CLK4: variants seen among roughly 807,000 people sequenced by gnomAD.
CLK4 encodes the protein CDC like kinase 4.
In CLK4, 37 loss-of-function variants were observed where a neutral mutation model predicts 64.4. The observed-to-expected ratio is 0.57, with a 90% CI of 0.44 to 0.76. The LOEUF (loss-of-function observed/expected upper bound fraction) is 0.76, where lower values mean the gene tolerates loss of function less well. Ranked by LOEUF, CLK4 falls within the 30% of genes least tolerant of loss-of-function variation. The pLI, the probability that CLK4 is intolerant of heterozygous loss-of-function variation, is 0.00. For missense variants in CLK4, 457 were observed against 605.1 expected, an observed-to-expected ratio of 0.76 and a Z score of 2.57; for synonymous variants, 175 against 191.6, an observed-to-expected ratio of 0.91 and a Z score of 0.72.
Position 178,612,784 on chromosome 5 carries a change from T to G in CLK4, c.921+12A>C. ...AGACAACCACCCAAATTAAAACAAGTCTTTAACTTACCATTTTAGAATTAT... is the reference window on the plus strand; with the variant it reads ...AGACAACCACCCAAATTAAAACAAGGCTTTAACTTACCATTTTAGAATTAT... On this transcript the variant is annotated intron_variant, in intron 8 of 12. Transcript: ENST00000316308. The G allele has an allele frequency of 7.1e-7, 1 of 1,403,054 alleles. No individual in the cohort carries two copies. Among genetic ancestry groups the G allele is most frequent in the African/African-American group, 1.4e-5 (1 of 69,616 alleles). The allele number at this position is 1,403,054 out of a possible 1,614,324, so 86.9% of individuals were successfully genotyped here.
intron 11 of CLK4, chr5:178,604,740 C>T (rs1764441528): frequency 6.6e-6 from 1 of 152,276 alleles, no homozygotes; most frequent in South Asian, 2.1e-4. Flanking sequence ...ATAATGCTCA[C>T]TCACCCGCCA....
chr5:178,617,154 GATT>G lies in CLK4; in HGVS notation c.475+187_475+189del, dbSNP rs1188489013. ...TCTTGCTCTAATCTCAAATTCCACT[GATT>G]ATTTTGGAACTTTAGAATAGAAATA... is the stretch of plus-strand genomic sequence containing the variant. On this transcript the variant is annotated intron_variant, in intron 4 of 12. Coordinates refer to ENST00000316308, the MANE Select transcript of CLK4 (RefSeq NM_020666.3). This position sits in a 1 kb window ranked among gnomAD's most constrained non-coding sequence, Gnocchi z 5.2. 1.4e-5 allele frequency: 9 copies of G among 638,690 alleles called. No homozygotes were observed. In the African/African-American group the frequency reaches 1.5e-4, roughly 10 times the overall value. 39.6% of individuals were successfully genotyped at this position (638,690 alleles called of 1,614,324 possible). A position where few individuals can be genotyped will look rare whatever the true frequency, so the allele number is the denominator to read the frequency against.
In CLK4 at chr5:178,618,645, T is replaced by C; in HGVS notation, c.295A>G (p.Ile99Val). The change falls in exon 3 of 13, where the codon ATC becomes GTC. Residue 99 changes from isoleucine to valine, a missense_variant. By Grantham distance (29) the Ile-to-Val change is conservative. Transcript: ENST00000316308. ...CGGACTGAAGATTTACTGCAGTGGA[T>C]TCGATACCCGCTTTCAATGTCTCTG... ...YHRDIESGYRIHCSKSSVRSR... is the reference protein window; with the variant it reads ...YHRDIESGYRVHCSKSSVRSR... 1 of 1,614,098 alleles carries C rather than the reference T, an allele frequency of 6.2e-7. No homozygotes were observed. The highest frequency in any genetic ancestry group is 1.7e-5 in the Admixed American group (1 of 60,016).
chr5:178,616,741 A>G (rs1764633135), intron 5 of CLK4, 141 bp downstream of exon 5: 2 of 616,334 alleles, frequency 3.2e-6, no homozygotes, highest in Non-Finnish European at 5.7e-6. Flanking sequence ...AGTTGCAGTG[A>G]GCCAAGATAG....
Position 178,613,718 on chromosome 5 carries a change from T to C in CLK4, c.659+9A>G. The C allele has an allele frequency of 2.5e-6, 4 of 1,607,766 alleles. No individual in the cohort carries two copies. Among genetic ancestry groups the C allele is most frequent in the Non-Finnish European group, 3.4e-6 (4 of 1,175,498 alleles). On this transcript the variant is annotated intron_variant, in intron 6 of 12. Coordinates refer to ENST00000316308, the MANE Select transcript of CLK4 (RefSeq NM_020666.3). ...AATATGATGGCTCCTAGGTGAAAGT[T>C]ATACTTACAAGACACTATTGGGATC... is the stretch of plus-strand genomic sequence containing the variant.
rs775101680 is a variant in CLK4, at chr5:178,618,547, C to T, written c.384+9G>A. On this transcript the variant is annotated intron_variant, in intron 3 of 12. Coordinates refer to ENST00000316308, the MANE Select transcript of CLK4 (RefSeq NM_020666.3). ...ACTCCACTCAAATTGAAAACAAAAC[C>T]AATCATACCGAACGTGACTGATGAC... is the stretch of plus-strand genomic sequence containing the variant. 25 of 1,599,386 alleles carry T rather than the reference C, an allele frequency of 1.6e-5. No individual in the cohort carries two copies. Among genetic ancestry groups the T allele is most frequent in the Non-Finnish European group, 2.1e-5 (25 of 1,170,368 alleles).
At chr5:178,616,799 TA>T in intron 5 of CLK4, 82 bp downstream of exon 5, 1 of 1,091,280 alleles carries the variant, frequency 9.2e-7, no homozygotes, top group Non-Finnish European at 1.4e-6. Flanking sequence ...CTCAAATAAA[TA>T]AATAAATAAA....
At chr5:178,618,895 A>C in intron 2 of CLK4, 117 bp from the exon 3 acceptor site, 1 of 703,762 alleles carries the variant, frequency 1.4e-6, no homozygotes, top group Non-Finnish European at 2.3e-6. Context: ...AAAAAATTCA[A>C]ACAGATGAAT....
Position 178,617,493 on chromosome 5 carries a change from T to C in CLK4, c.385-59A>G, listed in dbSNP as rs1442339237. 1.4e-6 allele frequency: 2 copies of C among 1,455,532 alleles called. No homozygotes were observed. The highest frequency in any genetic ancestry group is 1.9e-6 in the Non-Finnish European group (2 of 1,042,502). The allele number at this position is 1,455,532 out of a possible 1,614,324, so 90.2% of individuals were successfully genotyped here. The stretch of plus-strand genomic sequence containing the variant: ...CAGCCAATCAATATATCAGAGTGAA[T>C]TCAGGGCAGAATACGCAATTCATTC... On this transcript the variant is annotated intron_variant, in intron 3 of 12. Transcript: ENST00000316308. This position sits in a 1 kb window ranked among gnomAD's most constrained non-coding sequence, Gnocchi z 5.2.
intron 7 of CLK4, 88 bp from the exon 8 acceptor site, chr5:178,612,978 G>A: frequency 1.6e-6 from 1 of 616,020 alleles, no homozygotes; most frequent in Non-Finnish European, 2.9e-6. Flanking sequence ...AGGATATAGT[G>A]GTCAAGAGAC....
chr5:178,606,903 T>C (rs1220049500), intron 10 of CLK4, among the ~76,000 whole-genome samples: 1 of 150,260 alleles, frequency 6.7e-6, no homozygotes, highest in African/African-American at 2.5e-5. Flanking sequence ...GAGGTTGCAG[T>C]GAGCTGACGT....
intron 5 of CLK4, among the ~76,000 whole-genome samples, chr5:178,614,911 G>T (rs10073925): frequency 0.2 from 31,113 of 152,036 alleles, 4,544 homozygotes; most frequent in African/African-American, 0.4. Flanking sequence ...TGACCAAAAA[G>T]TTTTCTCAGT....
intron 8 of CLK4, 125 bp downstream of exon 8, chr5:178,612,671 T>C: frequency 8.8e-7 from 1 of 1,134,408 alleles, no homozygotes; most frequent in South Asian, 1.5e-5. Flanking sequence ...CAAAGAAGGA[T>C]TACTTCTTTT....
intron 2 of CLK4, chr5:178,622,593 C>A (rs1042862111): frequency 5.4e-6 from 1 of 184,600 alleles, no homozygotes; most frequent in African/African-American, 2.4e-5. Flanking sequence ...AATATATTAC[C>A]TCCAAATTGT....
intron 9 of CLK4, among the ~76,000 whole-genome samples, chr5:178,611,924 T>G (rs940282640): frequency 6.6e-6 from 1 of 152,200 alleles, no homozygotes; most frequent in African/African-American, 2.4e-5. Flanking sequence ...TCCCTTCTTA[T>G]TTGAAAACTC....
chr5:178,623,105 G>A (rs761504859), intron 2 of CLK4, 151 bp downstream of exon 2: 46 of 717,954 alleles, frequency 6.4e-5, no homozygotes, highest in Non-Finnish European at 9.7e-5. Flanking sequence ...TAGCCTCAGC[G>A]CCTATCTAAA....
intron 2 of CLK4, chr5:178,620,662 T>C (rs893319797): frequency 4.5e-6 from 2 of 443,790 alleles, no homozygotes; most frequent in Non-Finnish European, 9.1e-6. Context: ...CGTTTTTATA[T>C]CCACACAGGT....
intron 2 of CLK4, chr5:178,620,035 C>A (rs1306237137): frequency 2.7e-5 from 10 of 365,416 alleles, no homozygotes; most frequent in South Asian, 1.2e-4. Context: ...ATTCTTTTTC[C>A]CAGGGGGCTG....
At chr5:178,609,705 A>G (rs984325870) in intron 9 of CLK4, among the ~76,000 whole-genome samples, 1 of 121,826 alleles carries the variant, frequency 8.2e-6, no homozygotes, top group South Asian at 2.5e-4. Context: ...TAAACAAATA[A>G]CAAAAATAAA....
Sources: allele counts gnomAD v4.1 joint callset (sites outside exome capture counted in the v4.1 genomes callset), GRCh38; gene constraint gnomAD v4.1.1; non-coding constraint Gnocchi (gnomAD v3.1); transcripts MANE v1.5; gene names NCBI Gene and HGNC (gene_info 2026-07-23, HGNC 2026-07-21).